Variants in WDR70 observed in about 807,000 individuals in gnomAD.
WDR70 encodes the protein WD repeat-containing protein 70.
Under a neutral mutation model 88.6 loss-of-function variants are expected in WDR70, and 53 were observed. The ratio of observed to expected loss-of-function variants is 0.60; its 90% CI spans 0.48 to 0.75. The LOEUF (loss-of-function observed/expected upper bound fraction) is 0.75. Ranked by LOEUF, WDR70 falls within the 30% of genes least tolerant of loss-of-function variation. The pLI is 0.00. For synonymous variants in WDR70, 280 were observed against 270.0 expected (o/e 1.04, Z -0.36); for missense variants, 610 against 823.2 (o/e 0.74, Z 3.17).
chr5:37,699,633 AG>A (rs1747092865), intron 11 of WDR70, among the ~76,000 whole-genome samples: 3 of 152,018 alleles, frequency 2.0e-5, no homozygotes, highest in Admixed American at 2.0e-4. Context: ...AAGATTGTGG[AG>A]ATATGTAACC....
At chr5:37,686,818 G>A (rs999080445) in intron 10 of WDR70, among the ~76,000 whole-genome samples, 6 of 151,218 alleles carry the variant, frequency 4.0e-5, no homozygotes, top group African/African-American at 7.3e-5. Context: ...TTGTGCTTGC[G>A]TTTTCCATCT....
At chr5:37,661,011 T>G (rs1745687013) in intron 10 of WDR70, among the ~76,000 whole-genome samples, 1 of 152,240 alleles carries the variant, frequency 6.6e-6, no homozygotes, top group Admixed American at 6.5e-5. Flanking sequence ...ATAGTTTTCA[T>G]GCAAATACTA....
intron 15 of WDR70, chr5:37,724,467 T>G (rs1396557523): frequency 6.5e-6 from 1 of 153,930 alleles, no homozygotes; most frequent in Non-Finnish European, 1.4e-5. Context: ...CTCAGTGTTG[T>G]CAACTCCTCC....
chr5:37,406,734 G>A (rs183984237), intron 5 of WDR70, among the ~76,000 whole-genome samples: 3 of 150,246 alleles, frequency 2.0e-5, no homozygotes, highest in East Asian at 3.9e-4. Context: ...AATTTAACAG[G>A]ATATCTAATA....
chr5:37,505,148 A>G (rs868209096), intron 8 of WDR70, among the ~76,000 whole-genome samples: 11 of 152,272 alleles, frequency 7.2e-5, no homozygotes, highest in South Asian at 6.2e-4. Context: ...TAGCTTCAAT[A>G]TATTACATTG....
intron 7 of WDR70, among the ~76,000 whole-genome samples, chr5:37,461,279 C>T (rs888806124): frequency 6.6e-6 from 1 of 152,020 alleles, no homozygotes; most frequent in African/African-American, 2.4e-5. Flanking sequence ...TTATTTTGCT[C>T]TTCTTATTTA....
At chr5:37,616,388 G>A (rs1186791934) in intron 10 of WDR70, among the ~76,000 whole-genome samples, 1 of 152,134 alleles carries the variant, frequency 6.6e-6, no homozygotes, top group Admixed American at 6.5e-5. Flanking sequence ...GATTACAGAT[G>A]GCAGCCACTG....
chr5:37,400,501 TAAA>T (rs1325024132), intron 5 of WDR70, among the ~76,000 whole-genome samples: 2 of 152,160 alleles, frequency 1.3e-5, no homozygotes, highest in Non-Finnish European at 2.9e-5. Context: ...AGTGTCTTTA[TAAA>T]AAGAGTCACC....
At chr5:37,403,492 G>A (rs954227451) in intron 5 of WDR70, among the ~76,000 whole-genome samples, 2 of 152,066 alleles carry the variant, frequency 1.3e-5, no homozygotes, top group Non-Finnish European at 2.9e-5. Context: ...CCCTAAATGA[G>A]GGAAAACACC....
intron 5 of WDR70, among the ~76,000 whole-genome samples, chr5:37,408,427 T>C (rs1749422133): frequency 6.6e-6 from 1 of 152,032 alleles, no homozygotes; most frequent in African/African-American, 2.4e-5. Flanking sequence ...TGAGCCGATA[T>C]TGCACCACTG....
Position 37,541,714 on chromosome 5 carries a change from T to A in WDR70, c.917+25124T>A, listed in dbSNP as rs1354655944. Among the ~76,000 whole-genome samples the A allele has an allele frequency of 2.8e-4, 42 of 152,108 alleles. 1 individual carries two copies. Among genetic ancestry groups the A allele is most frequent in the Non-Finnish European group, 2.9e-5 (2 of 68,008 alleles). On this transcript the variant is annotated intron_variant, in intron 9 of 17. Transcript: ENST00000265107. ...ATAAAAGAAGAGGAACTGGCAGATG[T>A]CACACAATAGCCGTAGGATCCATTT... is the stretch of plus-strand genomic sequence containing the variant.
intron 13 of WDR70, among the ~76,000 whole-genome samples, chr5:37,715,017 A>G (rs1479119883): frequency 1.3e-5 from 2 of 152,174 alleles, no homozygotes. Flanking sequence ...ACCAGGTTCC[A>G]GATTTTTGCT....
At chr5:37,641,411 CTTTT>C (rs70978833) in intron 10 of WDR70, among the ~76,000 whole-genome samples, 2 of 80,354 alleles carry the variant, frequency 2.5e-5, no homozygotes, top group Non-Finnish European at 4.4e-5. Context: ...TGTCCACATC[CTTTT>C]TTTTTTTTTT....
chr5:37,487,515 G>A lies in WDR70; in HGVS notation c.840+7528G>A, dbSNP rs191590890. On this transcript the variant is annotated intron_variant, in intron 8 of 17. Transcript: ENST00000265107. ...TATTATATACTTCATATGTAAGCAG[G>A]CCCTCCTAATTATATTAAGTTGTTA... Among the ~76,000 whole-genome samples the A allele has an allele frequency of 5.2e-3, 776 of 148,218 alleles. 5 individuals are homozygous for A. The highest frequency in any genetic ancestry group is 0.022 in the Middle Eastern group (6 of 274).
chr5:37,619,613 C>T lies in WDR70; in HGVS notation c.1092+14375C>T, dbSNP rs150743925. On this transcript the variant is annotated intron_variant, in intron 10 of 17. Coordinates refer to ENST00000265107, the MANE Select transcript of WDR70 (RefSeq NM_018034.4). ...TAAAGTCTGAGCCAAAAATGTGAAA[C>T]AGTTCTCTGGTCTGTGTGCATTCTC... is the stretch of plus-strand genomic sequence containing the variant. 3.1e-3 allele frequency among the ~76,000 whole-genome samples: 479 copies of T among 152,284 alleles called. 1 individual carries two copies. The highest frequency in any genetic ancestry group is 0.011 in the African/African-American group (450 of 41,568).
At position 37,697,671 on chromosome 5, in the gene WDR70, A is replaced by T; in HGVS notation, c.1109A>T (p.His370Leu). 1 of 1,613,768 alleles carries T rather than the reference A, an allele frequency of 6.2e-7. No homozygotes were observed. Among genetic ancestry groups the T allele is most frequent in the Admixed American group, 1.7e-5 (1 of 60,020 alleles). Residue 370 changes from histidine (H) to leucine (L), a missense_variant, in exon 11 of 18, where the codon CAC becomes CTC. By Grantham distance (99) the His-to-Leu change is moderately conservative. Coordinates refer to ENST00000265107, the MANE Select transcript of WDR70 (RefSeq NM_018034.4). ...TGTGAATAGGTTCATCCTAAGTTCC[A>T]CTATAAACAGGCTCATGACTCGGGC... ...DRNLTVHPKFHYKQAHDSGTD... is the reference protein window; with the variant it reads ...DRNLTVHPKFLYKQAHDSGTD...
chr5:37,450,259 AC>A (rs1331584029), intron 7 of WDR70, among the ~76,000 whole-genome samples: 1 of 152,142 alleles, frequency 6.6e-6, no homozygotes, highest in Non-Finnish European at 1.5e-5. Context: ...TTGGGTATAC[AC>A]CTAGTAATGG....
chr5:37,395,784 A>T (rs1000194923), intron 4 of WDR70, among the ~76,000 whole-genome samples: 2 of 152,008 alleles, frequency 1.3e-5, no homozygotes, highest in African/African-American at 4.8e-5. Context: ...TCTTTTTAAA[A>T]TTTTTAAATT....
chr5:37,650,795 C>T (rs1745385944), intron 10 of WDR70, among the ~76,000 whole-genome samples: 1 of 152,058 alleles, frequency 6.6e-6, no homozygotes, highest in Non-Finnish European at 1.5e-5. Flanking sequence ...ATATTTGCTC[C>T]TTTACATACT....
Sources: gnomAD v4.1 joint callset for allele counts (sites outside exome capture counted in the v4.1 genomes callset) on GRCh38, gnomAD v4.1.1 for gene constraint, MANE v1.5 for transcripts, NCBI Gene and HGNC (gene_info 2026-07-23, HGNC 2026-07-21) for gene names.